Variants in HS1BP3 observed in about 807,000 individuals in gnomAD.
The protein encoded by HS1BP3 is HCLS1-binding protein 3.
In HS1BP3, 32 loss-of-function variants were observed where a neutral mutation model predicts 33.5. The ratio of observed to expected loss-of-function variants is 0.95; its 90% CI spans 0.72 to 1.28. HS1BP3 has a LOEUF of 1.28. HS1BP3 is among the 50% of genes most tolerant of loss of function. The pLI is 0.00. For missense variants in HS1BP3, 486 were observed against 502.3 expected (o/e 0.97, Z 0.31); for synonymous variants, 187 against 209.2 (o/e 0.89, Z 0.92).
At chr2:20,560,012 T>G (rs1692951486), downstream of HS1BP3, among the ~76,000 whole-genome samples, 1 of 152,164 alleles carries the variant, frequency 6.6e-6, no homozygotes, top group Non-Finnish European at 1.5e-5. Flanking sequence ...GTGACCTGTT[T>G]CTAAGTCAGC....
intron 5 of HS1BP3, among the ~76,000 whole-genome samples, chr2:20,568,344 C>A (rs1272472551): frequency 6.6e-6 from 1 of 152,134 alleles, no homozygotes; most frequent in African/African-American, 2.4e-5. Flanking sequence ...AAACCCCAGT[C>A]TGTTCAGGGA....
intron 5 of HS1BP3, among the ~76,000 whole-genome samples, chr2:20,567,751 C>G (rs186482955): frequency 9.8e-5 from 15 of 152,344 alleles, no homozygotes; most frequent in Admixed American, 6.5e-5. Context: ...TGTGACCTTG[C>G]CCTTTCACCC....
chr2:20,635,933 G>T (rs1481031285), intron 4 of HS1BP3: 3 of 152,210 alleles, frequency 2.0e-5, no homozygotes, highest in African/African-American at 7.2e-5. Flanking sequence ...TTGTGCTGGC[G>T]ACTCCCACCC....
intron 5 of HS1BP3, 22 bp downstream of exon 5, chr2:20,624,710 C>G (rs201263661): frequency 6.4e-7 from 1 of 1,563,416 alleles, no homozygotes; most frequent in Admixed American, 2.0e-5. Context: ...ACACCAGGAG[C>G]AGACCATGGG....
chr2:20,613,260 GGAAGAAAACCAGCTTGA>G (rs1694350381), downstream of HS1BP3, among the ~76,000 whole-genome samples: 1 of 152,226 alleles, frequency 6.6e-6, no homozygotes. Context: ...TCTCAGCAAA[GGAAGAAAACCAGCTTGA>G]GAAGGCAGCA....
chr2:20,557,948 T>C (rs574406117), downstream of HS1BP3, among the ~76,000 whole-genome samples: 1 of 152,348 alleles, frequency 6.6e-6, no homozygotes, highest in East Asian at 1.9e-4. Context: ...GCAGGGTTTC[T>C]GCCTTATCCC....
intron 2 of HS1BP3, among the ~76,000 whole-genome samples, chr2:20,644,128 G>A (rs948741131): frequency 1.5e-4 from 23 of 152,166 alleles, no homozygotes; most frequent in African/African-American, 5.3e-4. Flanking sequence ...TCCTGGACCT[G>A]TGTCTCTTGG....
downstream of HS1BP3, among the ~76,000 whole-genome samples, chr2:20,559,990 CG>C (rs201572716): frequency 0.026 from 3,989 of 152,182 alleles, 189 homozygotes; most frequent in African/African-American, 0.091. Flanking sequence ...TCCTTAGCAG[CG>C]GGAATACCAG....
At chr2:20,623,780 G>A in intron 6 of HS1BP3, 116 bp downstream of exon 6, 3 of 1,233,170 alleles carry the variant, frequency 2.4e-6, no homozygotes, top group Non-Finnish European at 3.3e-6. Flanking sequence ...CTTTTCACAG[G>A]CCTGGGGTCC....
At chr2:20,616,891 G>T (rs935795421), downstream of HS1BP3, among the ~76,000 whole-genome samples, 2 of 152,182 alleles carry the variant, frequency 1.3e-5, no homozygotes, top group South Asian at 4.1e-4. Context: ...GCCATGAGTC[G>T]CAGTCCTGTG....
chr2:20,624,790 A>C lies in HS1BP3; in HGVS notation c.726T>G (p.Phe242Leu). Residue 242 changes from phenylalanine (F) to leucine (L), a missense_variant, in exon 5 of 7, where the codon TTT (phenylalanine) becomes TTG (leucine). Transcript: ENST00000304031. ...DEEVDPDEGL[F>L]GPGRKLSPQD... is the part of the protein sequence containing the mutation. ...GTGGAGACAGCTTCCTGCCCGGGCC[A>C]AAGAGCCCCTCATCAGGGTCCACCT... 6.2e-7 allele frequency: 1 copy of C among 1,613,338 alleles called. No individual in the cohort carries two copies. Among genetic ancestry groups the C allele is most frequent in the Non-Finnish European group, 8.5e-7 (1 of 1,179,562 alleles).
At chr2:20,595,321 G>A (rs1310290905) in intron 3 of HS1BP3, among the ~76,000 whole-genome samples, 2 of 152,166 alleles carry the variant, frequency 1.3e-5, no homozygotes, top group Non-Finnish European at 2.9e-5. Flanking sequence ...CGGGAAGGGG[G>A]ATCCTTTTCT....
intron 4 of HS1BP3, among the ~76,000 whole-genome samples, chr2:20,627,407 C>CAGAG (rs1159043859): frequency 4.5e-4 from 68 of 152,330 alleles, no homozygotes; most frequent in African/African-American, 1.4e-3. Context: ...TCAGAGGGCG[C>CAGAG]AGAGAGGGAA....
At chr2:20,624,107 A>AC in intron 5 of HS1BP3, 76 bp from the exon 6 acceptor site, 1 of 1,531,988 alleles carries the variant, frequency 6.5e-7, no homozygotes, top group Non-Finnish European at 8.8e-7. Flanking sequence ...TCTCTGCCCC[A>AC]CCCCAGGAAG....
chr2:20,570,004 C>T (rs1693226865), intron 5 of HS1BP3, among the ~76,000 whole-genome samples: 1 of 152,224 alleles, frequency 6.6e-6, no homozygotes, highest in African/African-American at 2.4e-5. Flanking sequence ...TTTCTGGCCT[C>T]AGCCTGAGAG....
chr2:20,638,289 C>T (rs1695217589), intron 4 of HS1BP3, 147 bp downstream of exon 4: 2 of 711,764 alleles, frequency 2.8e-6, no homozygotes, highest in East Asian at 5.4e-5. Context: ...TCCCCCAACA[C>T]ACCAGGCCAA....
At chr2:20,615,746 G>A (rs553212162), downstream of HS1BP3, among the ~76,000 whole-genome samples, 3 of 152,306 alleles carry the variant, frequency 2.0e-5, no homozygotes, top group African/African-American at 2.4e-5. Flanking sequence ...TCAACACAAC[G>A]CCCAGGTGGC....
At chr2:20,561,989 C>T (rs1414244190) in intron 5 of HS1BP3, among the ~76,000 whole-genome samples, 1 of 152,138 alleles carries the variant, frequency 6.6e-6, no homozygotes, top group Non-Finnish European at 1.5e-5. Flanking sequence ...ATCAATCATA[C>T]AGAAGTAATA....
intron 4 of HS1BP3, among the ~76,000 whole-genome samples, chr2:20,629,775 C>A (rs968945626): frequency 6.6e-6 from 1 of 152,250 alleles, no homozygotes; most frequent in Non-Finnish European, 1.5e-5. Context: ...GACAGACGCG[C>A]AGACCAGGCC....
Sources: allele counts gnomAD v4.1 joint callset (sites outside exome capture counted in the v4.1 genomes callset), GRCh38; gene constraint gnomAD v4.1.1; transcripts MANE v1.5; gene names NCBI Gene and HGNC (gene_info 2026-07-23, HGNC 2026-07-21).